CACNA1C: variants seen among roughly 807,000 people sequenced by gnomAD.
The protein encoded by CACNA1C is voltage-dependent L-type calcium channel subunit alpha-1C.
CACNA1C carries 30 observed loss-of-function variants against 229.0 expected under a neutral mutation model. The observed-to-expected ratio is 0.13, with a 90% CI of 0.10 to 0.18. CACNA1C has a LOEUF of 0.18. Among genes scored for constraint, CACNA1C ranks in the 10% least tolerant of loss-of-function variants. The probability of loss-of-function intolerance (pLI) is 1.00; values close to 1 mark genes in which losing one functional copy is unlikely to be tolerated. For missense variants in CACNA1C, 1,658 were observed against 2,845.0 expected (o/e 0.58, Z 9.49); for synonymous variants, 1,114 against 1,132.5 (o/e 0.98, Z 0.33).
At chr12:2,408,937 G>A (rs74677194) in intron 3 of CACNA1C, among the ~76,000 whole-genome samples, 563 of 152,210 alleles carry the variant, frequency 3.7e-3, no homozygotes, top group Non-Finnish European at 5.7e-3. Context: ...GCCATCCTCC[G>A]TGACATCCCC....
chr12:2,663,355 C>T (rs2095863247), intron 34 of CACNA1C, among the ~76,000 whole-genome samples: 1 of 152,178 alleles, frequency 6.6e-6, no homozygotes, highest in African/African-American at 2.4e-5. Context: ...AAAGGGAACA[C>T]TTTTACCCCG....
At chr12:2,177,587 C>CCCTCCCTCCTTCCCT (rs750852324) in intron 3 of CACNA1C, among the ~76,000 whole-genome samples, 1 of 78,462 alleles carries the variant, frequency 1.3e-5, no homozygotes, top group Non-Finnish European at 2.3e-5. Context: ...CTCCCTCCCT[C>CCCTCCCTCCTTCCCT]CCTTCCTTCC....
intron 3 of CACNA1C, among the ~76,000 whole-genome samples, chr12:2,323,046 G>C (rs538469337): frequency 2.0e-5 from 3 of 152,252 alleles, no homozygotes; most frequent in South Asian, 2.1e-4. Context: ...TTACCTGCCT[G>C]TTCTCTGTGA....
At chr12:2,550,884 C>G (rs952453521) in intron 10 of CACNA1C, among the ~76,000 whole-genome samples, 1 of 152,176 alleles carries the variant, frequency 6.6e-6, no homozygotes, top group African/African-American at 2.4e-5. Flanking sequence ...CTCTCACAGC[C>G]GCTGTTTCCA....
At chr12:1,993,188 G>A in intron 1 of CACNA1C, 1 of 1,600,024 alleles carries the variant, frequency 6.2e-7, no homozygotes, top group Non-Finnish European at 8.6e-7. Flanking sequence ...CAAACACAAT[G>A]GCAAACACTG....
chr12:2,310,350 A>ATATATATATAT (rs1555425823), intron 3 of CACNA1C, among the ~76,000 whole-genome samples: 4 of 127,334 alleles, frequency 3.1e-5, no homozygotes, highest in South Asian at 2.7e-4. Context: ...GTTAAAAAAA[A>ATATATATATAT]AAATATATAT....
chr12:2,079,527 A>G (rs1324365854), intron 1 of CACNA1C, among the ~76,000 whole-genome samples: 3 of 152,106 alleles, frequency 2.0e-5, no homozygotes, highest in Admixed American at 1.3e-4. Flanking sequence ...GGCTCTTTCT[A>G]TAAGGGCACG....
intron 1 of CACNA1C, among the ~76,000 whole-genome samples, chr12:1,983,298 A>G (rs542934453): frequency 1.2e-4 from 18 of 150,996 alleles, no homozygotes; most frequent in Non-Finnish European, 2.4e-4. Context: ...GATTTAATAT[A>G]CTCTTCTCCT....
intron 3 of CACNA1C, among the ~76,000 whole-genome samples, chr12:2,244,333 A>T (rs952904213): frequency 6.6e-6 from 1 of 152,198 alleles, no homozygotes; most frequent in Non-Finnish European, 1.5e-5. Flanking sequence ...TCATGGCTGC[A>T]GCTCCGCTTT....
chr12:2,477,385 C>T (rs145815999), intron 5 of CACNA1C, among the ~76,000 whole-genome samples: 2 of 152,266 alleles, frequency 1.3e-5, no homozygotes, highest in East Asian at 3.9e-4. Flanking sequence ...TGTTGGCTCA[C>T]AAAACTTAGA....
At chr12:2,614,662 A>G (rs1050611892) in intron 29 of CACNA1C, 3 of 152,182 alleles carry the variant, frequency 2.0e-5, no homozygotes, top group African/African-American at 7.2e-5. Flanking sequence ...TTTCACTGGC[A>G]TGGTTGTTTG....
intron 3 of CACNA1C, among the ~76,000 whole-genome samples, chr12:2,277,362 GACAC>G (rs59258094): frequency 0.029 from 2,051 of 71,514 alleles, 26 homozygotes; most frequent in East Asian, 0.063. Context: ...CAGACAGACA[GACAC>G]ACACACACAC....
chr12:2,501,166 G>T (rs986797536), intron 7 of CACNA1C, among the ~76,000 whole-genome samples: 1 of 124,452 alleles, frequency 8.0e-6, no homozygotes, highest in Admixed American at 1.0e-4. Context: ...CCAAGATCAC[G>T]CCACTGCACC....
Position 2,597,328 on chromosome 12 carries a change from T to C in CACNA1C, c.2853+39T>C, listed in dbSNP as rs1035373949. ...CCCCTTCTGCTCCTCCTGTCCCCCT[T>C]GTGCCAGCACCAGGTCTCTGCCGCT... On this transcript the variant is annotated intron_variant, in intron 21 of 46. Transcript: ENST00000399655. This position sits in a 1 kb window ranked among gnomAD's most constrained non-coding sequence, Gnocchi z 4.3. 4 of 1,532,494 alleles carry C rather than the reference T, an allele frequency of 2.6e-6. No individual in the cohort carries two copies. The highest frequency in any genetic ancestry group is 1.1e-5 in the South Asian group (1 of 89,352). 94.9% of individuals were successfully genotyped at this position (1,532,494 alleles called of 1,614,324 possible).
intron 6 of CACNA1C, among the ~76,000 whole-genome samples, chr12:2,490,618 A>G (rs920064756): frequency 2.6e-5 from 4 of 152,214 alleles, no homozygotes; most frequent in South Asian, 2.1e-4. Flanking sequence ...CCAGTCTCTC[A>G]GCTCCCAAAT....
Position 2,127,439 on chromosome 12 carries a change from C to T in CACNA1C, c.477+7009C>T, listed in dbSNP as rs141643962. On this transcript the variant is annotated intron_variant, in intron 3 of 46. Transcript: ENST00000399655. ...ACAATAATGATGACAATGAAATGAGCTTTATTATTGCTATCTCTTATGTGT... is the reference window on the plus strand; with the variant it reads ...ACAATAATGATGACAATGAAATGAGTTTTATTATTGCTATCTCTTATGTGT... Among the ~76,000 whole-genome samples the T allele has an allele frequency of 9.1e-4, 139 of 152,230 alleles. 1 individual carries two copies. In the Middle Eastern group the frequency reaches 0.017, roughly 19 times the overall value.
In CACNA1C at chr12:2,053,457, G is replaced by A. The variant is rs2052925138; in HGVS notation, c.-106G>A. The A allele has an allele frequency of 2.7e-6, 4 of 1,479,926 alleles. No individual in the cohort carries two copies. The highest frequency in any genetic ancestry group is 1.4e-5 in the African/African-American group (1 of 70,384). 91.7% of individuals were successfully genotyped at this position (1,479,926 alleles called of 1,614,324 possible). A position where few individuals can be genotyped will look rare whatever the true frequency, so the allele number is the denominator to read the frequency against. Reference sequence around the variant, plus strand: ...ACCACGGCTTCCTCGAATCTTGCGCGAAAGCCGCCGGCCTCGGAGGAGGGA... The same window carrying A: ...ACCACGGCTTCCTCGAATCTTGCGCAAAAGCCGCCGGCCTCGGAGGAGGGA... On this transcript the variant is annotated 5_prime_UTR_variant, in exon 1 of 47. Transcript: ENST00000399655. This position sits in a 1 kb window ranked among gnomAD's most constrained non-coding sequence, Gnocchi z 5.8.
At chr12:2,667,704 C>A (rs902391457) in intron 37 of CACNA1C, among the ~76,000 whole-genome samples, 4 of 152,118 alleles carry the variant, frequency 2.6e-5, no homozygotes, top group African/African-American at 9.7e-5. Context: ...TCCGGACGGG[C>A]CTGGGCAGGC....
At chr12:2,155,991 C>G (rs182460216) in intron 3 of CACNA1C, among the ~76,000 whole-genome samples, 1 of 151,944 alleles carries the variant, frequency 6.6e-6, no homozygotes, top group Admixed American at 6.6e-5. Flanking sequence ...AGTAAAGACG[C>G]AAATAAAAAA....
Sources: allele counts gnomAD v4.1 joint callset (sites outside exome capture counted in the v4.1 genomes callset), GRCh38; gene constraint gnomAD v4.1.1; non-coding constraint Gnocchi (gnomAD v3.1); transcripts MANE v1.5; gene names NCBI Gene and HGNC (gene_info 2026-07-23, HGNC 2026-07-21).